Variants in SMG1 observed in about 807,000 individuals in gnomAD.
SMG1 encodes SMG1 nonsense mediated mRNA decay associated PI3K related kinase, also known as serine/threonine-protein kinase SMG1.
SMG1 carries 22 observed loss-of-function variants against 419.9 expected under a neutral mutation model. The observed-to-expected ratio is 0.05, with a 90% CI of 0.04 to 0.07. SMG1 has a LOEUF of 0.07. Ranked by LOEUF, SMG1 falls within the 10% of genes least tolerant of loss-of-function variation. The probability of loss-of-function intolerance (pLI) is 1.00; values close to 1 mark genes in which losing one functional copy is unlikely to be tolerated. For synonymous variants in SMG1, 1,538 were observed against 1,553.5 expected (o/e 0.99, Z 0.23); for missense variants, 3,185 against 4,342.0 (o/e 0.73, Z 7.49).
chr16:18,849,517 G>T, intron 35 of SMG1, 139 bp from the exon 36 acceptor site: 1 of 820,662 alleles, frequency 1.2e-6, no homozygotes, highest in Non-Finnish European at 1.9e-6. Flanking sequence ...TTCTCCCTGT[G>T]ATAATAAAGA....
chr16:18,807,758 T>A lies in SMG1; in HGVS notation c.*1811A>T, dbSNP rs1292317123. On this transcript the variant is annotated 3_prime_UTR_variant, in exon 63 of 63. Transcript: ENST00000446231. ...AAATGTACTCAAACAATTTTTTTTT[T>A]TATCTAGTCATTTATTTTTGACACA... The A allele has an allele frequency of 6.6e-6, 1 of 152,124 alleles. No individual in the cohort carries two copies. Among genetic ancestry groups the A allele is most frequent in the African/African-American group, 2.4e-5 (1 of 41,426 alleles). 9.4% of individuals were successfully genotyped at this position (152,124 alleles called of 1,614,324 possible). A position where few individuals can be genotyped will look rare whatever the true frequency, so the allele number is the denominator to read the frequency against.
rs1398356945 is a variant in SMG1, at chr16:18,890,757, G to A, written c.608+106C>T. On this transcript the variant is annotated intron_variant, in intron 5 of 62. Coordinates refer to ENST00000446231, the MANE Select transcript of SMG1 (RefSeq NM_015092.5). ...GACAAGACCCACTGAAATGTCAATA[G>A]ATGTTCATAAACAAAGCCAGTGGGT... The A allele has an allele frequency of 5.6e-5, 37 of 664,468 alleles. No individual in the cohort carries two copies. The East Asian group carries it at 8.2e-4, about 15-fold the overall frequency. The allele number at this position is 664,468 out of a possible 1,614,324, so 41.2% of individuals were successfully genotyped here.
chr16:18,820,821 ACTG>A (rs1289424124), intron 55 of SMG1, among the ~76,000 whole-genome samples: 1 of 152,240 alleles, frequency 6.6e-6, no homozygotes, highest in Admixed American at 6.5e-5. Flanking sequence ...TTGATTTTAT[ACTG>A]CTATTAATTT....
chr16:18,881,230 C>T (rs959060978), intron 10 of SMG1, among the ~76,000 whole-genome samples: 2 of 151,480 alleles, frequency 1.3e-5, no homozygotes, highest in African/African-American at 4.8e-5. Context: ...TAAATTATGT[C>T]CCTTTTATTT....
chr16:18,860,537 T>C (rs2035159179), intron 26 of SMG1, 130 bp downstream of exon 26: 2 of 573,336 alleles, frequency 3.5e-6, no homozygotes, highest in African/African-American at 1.9e-5. Context: ...CCTAAATTTG[T>C]TGCTTCACAT....
chr16:18,909,647 G>GT (rs1312466988), intron 1 of SMG1, among the ~76,000 whole-genome samples: 1 of 152,168 alleles, frequency 6.6e-6, no homozygotes, highest in Non-Finnish European at 1.5e-5. Flanking sequence ...CAGAAGATAT[G>GT]GTCTCACAAA....
intron 33 of SMG1, among the ~76,000 whole-genome samples, chr16:18,851,699 C>T (rs2034608749): frequency 6.6e-6 from 1 of 152,084 alleles, no homozygotes; most frequent in Admixed American, 6.5e-5. Context: ...TGCACCACCA[C>T]ACCCTGCTAA....
chr16:18,882,613 C>G (rs1247552096), intron 9 of SMG1, among the ~76,000 whole-genome samples: 7 of 152,096 alleles, frequency 4.6e-5, no homozygotes, highest in Non-Finnish European at 1.0e-4. Flanking sequence ...TAAATTCTAG[C>G]ACATATGCTC....
chr16:18,852,000 T>G (rs2034630784), intron 33 of SMG1, 67 bp downstream of exon 33: 3 of 1,494,196 alleles, frequency 2.0e-6, no homozygotes, highest in Non-Finnish European at 2.7e-6. Flanking sequence ...CAAATATATA[T>G]GATCAATTTT....
chr16:18,811,198 G>T (rs1037149132), intron 62 of SMG1, among the ~76,000 whole-genome samples: 10 of 152,072 alleles, frequency 6.6e-5, no homozygotes, highest in Admixed American at 2.0e-4. Context: ...GTGGTGGGAT[G>T]CAAGTCTACA....
rs1365497273 is a variant in SMG1, at chr16:18,859,697, T to C, written c.3812A>G (p.Lys1271Arg). The change falls in exon 27 of 63, where the codon AAA becomes AGA. Residue 1271 changes from lysine to arginine, a missense_variant. This residue lies in a region of SMG1 where 120 missense variants were observed against 193.3 expected (regional missense o/e 0.62). Transcript: ENST00000446231. ...AGGSKEKIDM[K>R]KLLPNMLSPD... ...ACTTAACATGTTAGGAAGCAGTTTTTTCATGTCTACCAAAGTTAAATAAAA... is the reference window on the plus strand; with the variant it reads ...ACTTAACATGTTAGGAAGCAGTTTTCTCATGTCTACCAAAGTTAAATAAAA... The C allele has an allele frequency of 5.0e-6, 8 of 1,600,032 alleles. No individual in the cohort carries two copies. The highest frequency in any genetic ancestry group is 6.8e-6 in the Non-Finnish European group (8 of 1,173,292).
Position 18,877,176 on chromosome 16 carries a change from T to C in SMG1, c.1575A>G (p.Ile525Met), listed in dbSNP as rs1337986163. Reference protein sequence around the residue: ...LPSSFVEKLFIPSSKLLFLRY... With the variant: ...LPSSFVEKLFMPSSKLLFLRY... Reference sequence around the variant, plus strand: ...GCAAGAATAGTAGTTTAGATGATGGTATAAACAGTTTTTCTACAAATGATG... The same window carrying C: ...GCAAGAATAGTAGTTTAGATGATGGCATAAACAGTTTTTCTACAAATGATG... Residue 525 changes from isoleucine to methionine, a missense_variant, in exon 12 of 63, where the codon ATA becomes ATG. Physicochemically the swap from Ile to Met is conservative, Grantham distance 10 (BLOSUM62 1). Coordinates refer to ENST00000446231, the MANE Select transcript of SMG1 (RefSeq NM_015092.5). The C allele has an allele frequency of 6.4e-7, 1 of 1,556,538 alleles. No homozygotes were observed. The highest frequency in any genetic ancestry group is 1.8e-5 in the Admixed American group (1 of 54,820).
chr16:18,865,423 T>C (rs530470850), intron 23 of SMG1, among the ~76,000 whole-genome samples: 25 of 152,244 alleles, frequency 1.6e-4, no homozygotes, highest in South Asian at 6.2e-4. Context: ...AGCTTAGCAA[T>C]AGAATATATC....
At chr16:18,904,462 G>A (rs1476840026) in intron 1 of SMG1, among the ~76,000 whole-genome samples, 21 of 151,278 alleles carry the variant, frequency 1.4e-4, no homozygotes, top group Admixed American at 4.0e-4. Flanking sequence ...GTGAAACCCC[G>A]TCTCTACTAA....
Position 18,834,361 on chromosome 16 carries a change from C to T in SMG1, c.8408G>A (p.Trp2803Ter), listed in dbSNP as rs367844584. 1 of 1,613,876 alleles carries T rather than the reference C, an allele frequency of 6.2e-7. No individual in the cohort carries two copies. Among genetic ancestry groups the T allele is most frequent in the Non-Finnish European group, 8.5e-7 (1 of 1,179,848 alleles). The change falls in exon 50 of 63, where the codon TGG (tryptophan) becomes TAG (stop). Residue 2803 changes from tryptophan to a stop codon, truncating the protein, a stop_gained. Coordinates refer to ENST00000446231, the MANE Select transcript of SMG1 (RefSeq NM_015092.5). LOFTEE classifies it high-confidence loss of function. ...CATACTGCAGAGTTCCTCCAAGAAC[C>T]AGGCTCCATCCCGAGAAGTCAGATC... ...LVDLTSRDGA[W>*]FLEELCSMSG... is the part of the protein sequence containing the mutation.
At chr16:18,831,770 A>AC (rs57580914) in intron 51 of SMG1, among the ~76,000 whole-genome samples, 19 of 93,382 alleles carry the variant, frequency 2.0e-4, no homozygotes, top group African/African-American at 1.9e-4. Flanking sequence ...AAAAAAAAAA[A>AC]ATACATATAT....
In SMG1 at chr16:18,879,525, A is replaced by G. The variant is rs1158531403; in HGVS notation, c.1488T>C (p.Tyr496=). Residue 496 remains tyrosine (Y), a synonymous_variant, in exon 11 of 63, where the codon TAT becomes TAC. Coordinates refer to ENST00000446231, the MANE Select transcript of SMG1 (RefSeq NM_015092.5). ...LENCQTCGTD[Y]IISVLNLLTL... ...TGAGTAAATTCAAGACTGAGATGAT[A>G]TAATCGGTACCACAAGTCTGGCAAT... 1 of 1,031,892 alleles carries G rather than the reference A, an allele frequency of 9.7e-7. No homozygotes were observed. Among genetic ancestry groups the G allele is most frequent in the South Asian group, 1.4e-5 (1 of 73,300 alleles). 63.9% of individuals were successfully genotyped at this position (1,031,892 alleles called of 1,614,324 possible). A position where few individuals can be genotyped will look rare whatever the true frequency, so the allele number is the denominator to read the frequency against.
At chr16:18,836,653 C>T (rs746788563) in intron 46 of SMG1, 121 bp from the exon 47 acceptor site, 6 of 981,160 alleles carry the variant, frequency 6.1e-6, no homozygotes, top group Non-Finnish European at 9.1e-6. Context: ...ACCTTGAGGG[C>T]CCTCCTCAAA....
At chr16:18,838,256 A>T (rs1181603632) in intron 44 of SMG1, 24 bp from the exon 45 acceptor site, 1 of 1,609,198 alleles carries the variant, frequency 6.2e-7, no homozygotes, top group Non-Finnish European at 8.5e-7. Flanking sequence ...AGTTTTTAAA[A>T]TAAGGTCTGC....
Sources: allele counts gnomAD v4.1 joint callset (sites outside exome capture counted in the v4.1 genomes callset), GRCh38; gene constraint gnomAD v4.1.1; regional missense constraint gnomAD v4.1.1; transcripts MANE v1.5; gene names NCBI Gene and HGNC (gene_info 2026-07-23, HGNC 2026-07-21).